Variants in NUP88 observed in about 807,000 individuals in gnomAD.
NUP88 encodes the protein nuclear pore complex protein Nup88.
NUP88 carries 57 observed loss-of-function variants against 93.9 expected under a neutral mutation model. The observed-to-expected ratio is 0.61, with a 90% CI of 0.49 to 0.76. NUP88 has a LOEUF of 0.76. NUP88 is among the 30% of genes least tolerant of loss of function. NUP88 has a pLI of 0.00. For missense variants in NUP88, 911 were observed against 901.0 expected (o/e 1.01, Z -0.14); for synonymous variants, 346 against 336.8 (o/e 1.03, Z -0.30).
At position 5,413,999 on chromosome 17, in the gene NUP88, T is replaced by C; in HGVS notation, c.593+10A>G. The stretch of plus-strand genomic sequence containing the variant: ...CTCGCAAGGCTTCAAGAGAGAGAAA[T>C]AAAATTTACCTGATTACGTTGTCTG... On this transcript the variant is annotated intron_variant, in intron 3 of 16. Coordinates refer to ENST00000573584, the MANE Select transcript of NUP88 (RefSeq NM_002532.6). The C allele has an allele frequency of 6.2e-7, 1 of 1,612,904 alleles. No individual in the cohort carries two copies. The highest frequency in any genetic ancestry group is 8.5e-7 in the Non-Finnish European group (1 of 1,179,250).
chr17:5,414,969 A>G (rs1047653238), intron 2 of NUP88, among the ~76,000 whole-genome samples: 1 of 151,432 alleles, frequency 6.6e-6, no homozygotes, highest in African/African-American at 2.4e-5. Context: ...TCTGTCTCAA[A>G]ATAAATAAAT....
chr17:5,400,853 CA>C (rs1913117921), intron 7 of NUP88, among the ~76,000 whole-genome samples: 1 of 152,126 alleles, frequency 6.6e-6, no homozygotes, highest in African/African-American at 2.4e-5. Flanking sequence ...CAGATAGTTT[CA>C]AAGGTTATTT....
In NUP88 at chr17:5,385,626, G is replaced by A. The variant is rs1367384881; in HGVS notation, c.*580C>T. 8.7e-6 allele frequency: 2 copies of A among 231,096 alleles called. No individual in the cohort carries two copies. Among genetic ancestry groups the A allele is most frequent in the Admixed American group, 5.6e-5 (1 of 17,704 alleles). 14.3% of individuals were successfully genotyped at this position (231,096 alleles called of 1,614,324 possible). On this transcript the variant is annotated 3_prime_UTR_variant, in exon 17 of 17. Transcript: ENST00000573584. The stretch of plus-strand genomic sequence containing the variant: ...ACTCAGTAACAAGTATTGGGACGTA[G>A]AGCACAGCCTCACTCAGCTCTGAAA...
intron 2 of NUP88, among the ~76,000 whole-genome samples, chr17:5,415,030 A>G (rs1012392991): frequency 6.7e-6 from 1 of 149,126 alleles, no homozygotes; most frequent in Non-Finnish European, 1.5e-5. Flanking sequence ...TTATTTGTTT[A>G]TTTATTTGAG....
chr17:5,395,481 GAA>G (rs1403255028), intron 8 of NUP88, among the ~76,000 whole-genome samples: 1 of 151,660 alleles, frequency 6.6e-6, no homozygotes, highest in Non-Finnish European at 1.5e-5. Flanking sequence ...ATGGAAAAAA[GAA>G]AAGTTTTGGA....
chr17:5,397,334 T>A (rs188018240), intron 8 of NUP88, among the ~76,000 whole-genome samples: 4 of 147,312 alleles, frequency 2.7e-5, no homozygotes, highest in African/African-American at 1.0e-4. Flanking sequence ...AGTGAGACCC[T>A]CTGTCTCTTA....
At chr17:5,414,177 T>G in intron 2 of NUP88, 43 bp from the exon 3 acceptor site, 1 of 1,574,962 alleles carries the variant, frequency 6.3e-7, no homozygotes, top group Non-Finnish European at 8.7e-7. Context: ...TTGTACAACT[T>G]GGATGAAAAT....
intron 5 of NUP88, 51 bp downstream of exon 5, chr17:5,408,682 C>T (rs764494756): frequency 1.4e-6 from 2 of 1,410,890 alleles, no homozygotes; most frequent in Admixed American, 2.2e-5. Context: ...ATGATATCTA[C>T]TGGAGCCCAA....
At chr17:5,412,663 C>T (rs937246555) in intron 3 of NUP88, among the ~76,000 whole-genome samples, 2 of 152,040 alleles carry the variant, frequency 1.3e-5, no homozygotes, top group Admixed American at 6.6e-5. Flanking sequence ...CCCACCCCCC[C>T]ACATACACAC....
intron 1 of NUP88, chr17:5,418,099 G>C (rs1265761303): frequency 6.7e-6 from 1 of 149,564 alleles, no homozygotes; most frequent in Non-Finnish European, 1.5e-5. Flanking sequence ...AGCCGAGATG[G>C]CGCCATTGCA....
chr17:5,390,190 CAATT>C (rs1215193778), intron 10 of NUP88, among the ~76,000 whole-genome samples: 8 of 149,736 alleles, frequency 5.3e-5, no homozygotes, highest in Admixed American at 2.0e-4. Context: ...AATATCCAGA[CAATT>C]AATGTTTATT....
chr17:5,387,218 T>C, intron 14 of NUP88, 108 bp from the exon 15 acceptor site: 1 of 1,338,634 alleles, frequency 7.5e-7, no homozygotes, highest in Non-Finnish European at 1.0e-6. Flanking sequence ...GTAGGCCCCA[T>C]AGGAAGGGTT....
Position 5,386,984 on chromosome 17 carries a change from C to T in NUP88, c.2043G>A (p.Gln681=). Residue 681 remains glutamine, a splice_region_variant and synonymous_variant, in exon 15 of 17, where the codon CAG becomes CAA. Coordinates refer to ENST00000573584, the MANE Select transcript of NUP88 (RefSeq NM_002532.6). ...TTAGCTAGTTTGGATCTATTCCTACCTGTTTGATGGCATTGCCCAAATGTC... is the reference window on the plus strand; with the variant it reads ...TTAGCTAGTTTGGATCTATTCCTACTTGTTTGATGGCATTGCCCAAATGTC... ...QLRHLGNAIK[Q]VTMKKDYQQQ... The T allele has an allele frequency of 6.2e-7, 1 of 1,613,776 alleles. No homozygotes were observed. The highest frequency in any genetic ancestry group is 8.5e-7 in the Non-Finnish European group (1 of 1,179,922).
chr17:5,390,180 AAT>A (rs925953256), intron 10 of NUP88, among the ~76,000 whole-genome samples: 1 of 149,422 alleles, frequency 6.7e-6, no homozygotes, highest in African/African-American at 2.5e-5. Context: ...AAAAAAAAAA[AAT>A]ATCCAGACAA....
chr17:5,401,890 T>C (rs1308967983), intron 7 of NUP88, among the ~76,000 whole-genome samples: 1 of 152,244 alleles, frequency 6.6e-6, no homozygotes, highest in African/African-American at 2.4e-5. Flanking sequence ...CCCTATGCTA[T>C]ACTGTAGCCA....
intron 8 of NUP88, among the ~76,000 whole-genome samples, chr17:5,395,685 C>T (rs142902737): frequency 1.3e-5 from 2 of 151,918 alleles, no homozygotes; most frequent in African/African-American, 2.4e-5. Flanking sequence ...GACGCCACCA[C>T]GCCCAGGTTT....
chr17:5,412,614 G>A (rs1337740679), intron 3 of NUP88, among the ~76,000 whole-genome samples: 1 of 151,960 alleles, frequency 6.6e-6, no homozygotes, highest in African/African-American at 2.4e-5. Flanking sequence ...CCTCAGTGAT[G>A]GGGGGAGCTG....
At position 5,391,638 on chromosome 17, in the gene NUP88, A is replaced by G. The variant is rs1912441167; in HGVS notation, c.1407T>C (p.Phe469=). The G allele has an allele frequency of 6.2e-7, 1 of 1,614,102 alleles. No individual in the cohort carries two copies. The highest frequency in any genetic ancestry group is 1.1e-5 in the South Asian group (1 of 91,084). ...PCRQPAPIRG[F]WIVPDILGPT... ...GTCCCAGAATGTCAGGTACAATCCA[A>G]AATCCTCGAATTGGAGCTGGCTGCC... The change falls in exon 10 of 17, where the codon TTT becomes TTC. Residue 469 remains phenylalanine, a synonymous_variant. Transcript: ENST00000573584.
chr17:5,397,663 GC>G (rs1181142166), intron 8 of NUP88, among the ~76,000 whole-genome samples: 2 of 152,218 alleles, frequency 1.3e-5, no homozygotes, highest in Admixed American at 1.3e-4. Flanking sequence ...CATGTTTTAA[GC>G]CACTAAGTCT....
Sources: gnomAD v4.1 joint callset for allele counts (sites outside exome capture counted in the v4.1 genomes callset) on GRCh38, gnomAD v4.1.1 for gene constraint, MANE v1.5 for transcripts, NCBI Gene and HGNC (gene_info 2026-07-23, HGNC 2026-07-21) for gene names.